The following HS6ST3 variants were observed in gnomAD, a reference collection of about 807,000 sequenced individuals.
HS6ST3 encodes the protein heparan sulfate 6-O-sulfotransferase 3.
A neutral mutation model predicts 36.7 loss-of-function variants in HS6ST3; 12 were observed. The ratio of observed to expected loss-of-function variants is 0.33; its 90% CI spans 0.21 to 0.53. The LOEUF (loss-of-function observed/expected upper bound fraction) is 0.53, where lower values mean the gene tolerates loss of function less well. HS6ST3 is among the 20% of genes least tolerant of loss of function. HS6ST3 has a pLI of 0.95. For synonymous variants in HS6ST3, 240 were observed against 257.5 expected (o/e 0.93, Z 0.65); for missense variants, 584 against 640.9 (o/e 0.91, Z 0.96).
chr13:96,466,343 A>G (rs942749229), intron 1 of HS6ST3, among the ~76,000 whole-genome samples: 2 of 152,184 alleles, frequency 1.3e-5, no homozygotes, highest in Admixed American at 6.6e-5. Context: ...TACTGTATTA[A>G]CTATAGTCAC....
At chr13:96,349,164 G>A (rs2055169754) in intron 1 of HS6ST3, among the ~76,000 whole-genome samples, 1 of 152,176 alleles carries the variant, frequency 6.6e-6, no homozygotes, top group Non-Finnish European at 1.5e-5. Flanking sequence ...TAATGATAAA[G>A]TAGTAGTGCA....
At chr13:96,539,482 A>G (rs2138941051) in intron 1 of HS6ST3, among the ~76,000 whole-genome samples, 1 of 152,136 alleles carries the variant, frequency 6.6e-6, no homozygotes, top group Non-Finnish European at 1.5e-5. Flanking sequence ...CAGCCTCCCA[A>G]GTAGCTGGGA....
At chr13:96,413,509 A>C (rs1248303089) in intron 1 of HS6ST3, among the ~76,000 whole-genome samples, 3 of 152,204 alleles carry the variant, frequency 2.0e-5, no homozygotes, top group Admixed American at 6.5e-5. Context: ...CGAACGATTA[A>C]CTTTGCAAAA....
intron 1 of HS6ST3, among the ~76,000 whole-genome samples, chr13:96,166,019 GGGTTATTT>G (rs2054158405): frequency 7.0e-6 from 1 of 142,186 alleles, no homozygotes; most frequent in Non-Finnish European, 1.5e-5. Context: ...AGGGTGGAAG[GGGTTATTT>G]ATTTATTTAT....
chr13:96,158,016 T>G (rs1437619452), intron 1 of HS6ST3, among the ~76,000 whole-genome samples: 1 of 152,186 alleles, frequency 6.6e-6, no homozygotes. Context: ...GTGTTACTGG[T>G]GTACACAAAG....
chr13:96,652,868 A>AG (rs2056612277), intron 1 of HS6ST3, among the ~76,000 whole-genome samples: 1 of 152,096 alleles, frequency 6.6e-6, no homozygotes, highest in South Asian at 2.1e-4. Context: ...CTTTAGATAT[A>AG]CTATAAAATA....
chr13:96,822,074 A>G lies in HS6ST3; in HGVS notation c.708-10416A>G, dbSNP rs1479675153. On this transcript the variant is annotated intron_variant, in intron 1 of 1. Transcript: ENST00000376705. ...CCCTAAAAGCAGTGCCTGAGAAATTAGCTAAGACGAGAGCATGGCTGAGCA... is the reference window on the plus strand; with the variant it reads ...CCCTAAAAGCAGTGCCTGAGAAATTGGCTAAGACGAGAGCATGGCTGAGCA... Among the ~76,000 whole-genome samples, 8 of 152,198 alleles carry G rather than the reference A, an allele frequency of 5.3e-5. No homozygotes were observed. The East Asian group carries it at 1.5e-3, about 29-fold the overall frequency.
intron 1 of HS6ST3, among the ~76,000 whole-genome samples, chr13:96,375,441 G>A (rs1025162208): frequency 6.6e-6 from 1 of 152,040 alleles, no homozygotes; most frequent in African/African-American, 2.4e-5. Context: ...TGCCTAGAAG[G>A]GTATATAGAT....
intron 1 of HS6ST3, among the ~76,000 whole-genome samples, chr13:96,602,625 A>C (rs751190475): frequency 6.6e-6 from 1 of 152,180 alleles, no homozygotes; most frequent in Non-Finnish European, 1.5e-5. Flanking sequence ...TTTCTGGAGT[A>C]TGGGCCCACT....
At chr13:96,407,354 G>T (rs2055483853) in intron 1 of HS6ST3, among the ~76,000 whole-genome samples, 1 of 152,098 alleles carries the variant, frequency 6.6e-6, no homozygotes. Context: ...GGATAGACTG[G>T]GGTCATATCT....
chr13:96,738,746 A>G (rs900074350), intron 1 of HS6ST3, among the ~76,000 whole-genome samples: 2 of 152,142 alleles, frequency 1.3e-5, no homozygotes, highest in Admixed American at 6.5e-5. Flanking sequence ...ACCCAGTTAC[A>G]TTTTCCTCTT....
chr13:96,687,437 G>A (rs1356999970), intron 1 of HS6ST3, among the ~76,000 whole-genome samples: 1 of 151,928 alleles, frequency 6.6e-6, no homozygotes, highest in Non-Finnish European at 1.5e-5. Flanking sequence ...TAGACAGGGT[G>A]AATTTAAAGA....
chr13:96,740,763 C>G (rs1174007989), intron 1 of HS6ST3, among the ~76,000 whole-genome samples: 1 of 152,092 alleles, frequency 6.6e-6, no homozygotes, highest in Non-Finnish European at 1.5e-5. Context: ...CTCCTCAGAT[C>G]AAAGTCAAAT....
chr13:96,467,825 C>T (rs192217356), intron 1 of HS6ST3, among the ~76,000 whole-genome samples: 185 of 152,220 alleles, frequency 1.2e-3, no homozygotes, highest in African/African-American at 4.3e-3. Flanking sequence ...CTAGATGGTA[C>T]ACTGAGAATT....
At chr13:96,356,463 T>A (rs1346430958) in intron 1 of HS6ST3, among the ~76,000 whole-genome samples, 1 of 152,202 alleles carries the variant, frequency 6.6e-6, no homozygotes, top group East Asian at 1.9e-4. Context: ...GAATGGATGT[T>A]GTGTTAGCAG....
intron 1 of HS6ST3, among the ~76,000 whole-genome samples, chr13:96,775,898 C>A (rs1220769757): frequency 1.3e-5 from 2 of 152,126 alleles, no homozygotes; most frequent in Non-Finnish European, 2.9e-5. Context: ...TTCTTCTCAG[C>A]ACCACATCGC....
intron 1 of HS6ST3, among the ~76,000 whole-genome samples, chr13:96,457,314 C>G (rs2055758944): frequency 6.6e-6 from 1 of 152,072 alleles, no homozygotes; most frequent in Admixed American, 6.6e-5. Context: ...CCAGGATGGA[C>G]TACTTTAAGA....
chr13:96,716,013 T>C (rs1875686486), intron 1 of HS6ST3, among the ~76,000 whole-genome samples: 1 of 152,098 alleles, frequency 6.6e-6, no homozygotes, highest in Admixed American at 6.6e-5. Flanking sequence ...CTTTTCTCTG[T>C]GGTATACTAA....
intron 1 of HS6ST3, among the ~76,000 whole-genome samples, chr13:96,363,866 T>G (rs2055251046): frequency 6.6e-6 from 1 of 152,152 alleles, no homozygotes; most frequent in Non-Finnish European, 1.5e-5. Context: ...GTAATGAATT[T>G]TTTTTGAAAT....
Sources: allele counts gnomAD v4.1 joint callset (sites outside exome capture counted in the v4.1 genomes callset), GRCh38; gene constraint gnomAD v4.1.1; transcripts MANE v1.5; gene names NCBI Gene and HGNC (gene_info 2026-07-23, HGNC 2026-07-21).